Variants in PXDNL observed in about 807,000 individuals in gnomAD.
PXDNL encodes peroxidasin like.
A neutral mutation model predicts 150.8 loss-of-function variants in PXDNL; 145 were observed. The ratio of observed to expected loss-of-function variants is 0.96; its 90% CI spans 0.84 to 1.10. The LOEUF (loss-of-function observed/expected upper bound fraction) is 1.10, where lower values mean the gene tolerates loss of function less well. PXDNL is among the 50% of genes least tolerant of loss of function. The pLI is 0.00. For synonymous variants in PXDNL, 757 were observed against 725.7 expected (o/e 1.04, Z -0.69); for missense variants, 2,087 against 1,873.9 (o/e 1.11, Z -2.10).
intron 2 of PXDNL, among the ~76,000 whole-genome samples, chr8:51,612,137 G>A (rs1364817249): frequency 1.3e-5 from 2 of 152,098 alleles, no homozygotes; most frequent in East Asian, 1.9e-4. Flanking sequence ...ATTGGAGGGA[G>A]GTAGAGGAAG....
intron 1 of PXDNL, among the ~76,000 whole-genome samples, chr8:51,689,716 G>A (rs1430677971): frequency 1.3e-5 from 2 of 152,124 alleles, no homozygotes; most frequent in African/African-American, 4.8e-5. Context: ...TTATGTCCTA[G>A]CAACTTTGAT....
chr8:51,580,588 T>G lies in PXDNL; in HGVS notation c.308+12039A>C, dbSNP rs60460864. ...TTTTGAATATCATGTTCCACCAAAGTCATCCATTCTACAGATTAAAAATAC... is the reference window on the plus strand; with the variant it reads ...TTTTGAATATCATGTTCCACCAAAGGCATCCATTCTACAGATTAAAAATAC... On this transcript the variant is annotated intron_variant, in intron 3 of 22. Coordinates refer to ENST00000356297, the MANE Select transcript of PXDNL (RefSeq NM_144651.5). Among the ~76,000 whole-genome samples, 322 of 152,266 alleles carry G rather than the reference T, an allele frequency of 2.1e-3. 1 individual carries two copies. Among genetic ancestry groups the G allele is most frequent in the South Asian group, 6.6e-3 (32 of 4,822 alleles).
intron 8 of PXDNL, among the ~76,000 whole-genome samples, chr8:51,460,239 ACTGT>A (rs1291602609): frequency 6.7e-6 from 1 of 150,250 alleles, no homozygotes; most frequent in Non-Finnish European, 1.5e-5. Context: ...ACAGAGTGAG[ACTGT>A]CTGTCTCAAA....
chr8:51,473,198 G>C (rs1810385445), intron 7 of PXDNL, among the ~76,000 whole-genome samples: 1 of 151,160 alleles, frequency 6.6e-6, no homozygotes, highest in Admixed American at 6.6e-5. Flanking sequence ...GCTAGGACTA[G>C]TGATGAAGCA....
At chr8:51,536,825 G>T (rs1812088169) in intron 4 of PXDNL, among the ~76,000 whole-genome samples, 1 of 152,186 alleles carries the variant, frequency 6.6e-6, no homozygotes, top group Admixed American at 6.5e-5. Flanking sequence ...CTGAGAAAGT[G>T]ATTTTTGCAA....
At chr8:51,604,954 T>C (rs1813809947) in intron 2 of PXDNL, among the ~76,000 whole-genome samples, 1 of 152,116 alleles carries the variant, frequency 6.6e-6, no homozygotes, top group Non-Finnish European at 1.5e-5. Context: ...GACAATTATA[T>C]AAAAGTTAGA....
chr8:51,545,434 G>A (rs887164376), intron 4 of PXDNL, among the ~76,000 whole-genome samples: 1 of 152,168 alleles, frequency 6.6e-6, no homozygotes, highest in Non-Finnish European at 1.5e-5. Context: ...TTATCACAGT[G>A]ATAGTTTAGT....
intron 2 of PXDNL, among the ~76,000 whole-genome samples, chr8:51,608,041 G>GAA (rs1238423066): frequency 7.9e-6 from 1 of 126,776 alleles, no homozygotes; most frequent in Non-Finnish European, 1.6e-5. Context: ...AAGAAAGAAA[G>GAA]AAAGAAAGAA....
rs550118751 is a variant in PXDNL, at chr8:51,809,349, C to T, written c.-5G>A. 7.2e-6 allele frequency: 11 copies of T among 1,525,274 alleles called. No individual in the cohort carries two copies. The African/African-American group carries it at 1.1e-4, about 16-fold the overall frequency. 94.5% of individuals were successfully genotyped at this position (1,525,274 alleles called of 1,614,324 possible). ...GCAGAACAGTCTGGGCTCCATCGCTCCATTCGCTGCTGGCCACGCGAAGAA... is the reference window on the plus strand; with the variant it reads ...GCAGAACAGTCTGGGCTCCATCGCTTCATTCGCTGCTGGCCACGCGAAGAA... On this transcript the variant is annotated 5_prime_UTR_variant, in exon 1 of 23. Coordinates refer to ENST00000356297, the MANE Select transcript of PXDNL (RefSeq NM_144651.5).
At chr8:51,700,644 G>A (rs1224719221) in intron 1 of PXDNL, among the ~76,000 whole-genome samples, 5 of 150,216 alleles carry the variant, frequency 3.3e-5, no homozygotes, top group Non-Finnish European at 7.4e-5. Context: ...ACAAGTATAT[G>A]CACATGTATA....
At chr8:51,771,872 G>A (rs900593422) in intron 1 of PXDNL, among the ~76,000 whole-genome samples, 6 of 152,126 alleles carry the variant, frequency 3.9e-5, no homozygotes, top group South Asian at 2.1e-4. Context: ...GTCCACACAC[G>A]TGGTTCCTCT....
chr8:51,399,469 G>T (rs1280148034), intron 17 of PXDNL, among the ~76,000 whole-genome samples: 1 of 152,110 alleles, frequency 6.6e-6, no homozygotes, highest in African/African-American at 2.4e-5. Flanking sequence ...AGCAAAATAA[G>T]CTTAAAACAA....
rs566589765 is a variant in PXDNL, at chr8:51,698,469, T to C, written c.165-43709A>G. Among the ~76,000 whole-genome samples, 160 of 152,322 alleles carry C rather than the reference T, an allele frequency of 1.1e-3. 1 individual carries two copies. Among genetic ancestry groups the C allele is most frequent in the African/African-American group, 3.6e-3 (151 of 41,580 alleles). ...ATGTTTGATCATGAGATTGCAGCAATTTAGTCACATCCTCAGGCTCCACTT... is the reference window on the plus strand; with the variant it reads ...ATGTTTGATCATGAGATTGCAGCAACTTAGTCACATCCTCAGGCTCCACTT... On this transcript the variant is annotated intron_variant, in intron 1 of 22. Coordinates refer to ENST00000356297, the MANE Select transcript of PXDNL (RefSeq NM_144651.5).
chr8:51,573,224 C>T (rs80178316), intron 3 of PXDNL, among the ~76,000 whole-genome samples: 3,692 of 152,008 alleles, frequency 0.024, 161 homozygotes, highest in African/African-American at 0.084. Flanking sequence ...ACTTGTGAGG[C>T]TATATTGAGG....
chr8:51,525,407 A>G (rs1227065781), intron 4 of PXDNL, among the ~76,000 whole-genome samples: 1 of 152,228 alleles, frequency 6.6e-6, no homozygotes, highest in Non-Finnish European at 1.5e-5. Flanking sequence ...TCCAGTAATT[A>G]CCACGTGTAA....
rs768230948 is a variant in PXDNL at position 51,409,441 on chromosome 8, C to G, written c.2183G>C (p.Arg728Pro). 10 of 1,612,598 alleles carry G rather than the reference C, an allele frequency of 6.2e-6. No individual in the cohort carries two copies. In the South Asian group the frequency reaches 1.1e-4, roughly 18 times the overall value. ...CSNRCFHAKY[R>P]AHDGTCNNLQ... is the part of the protein sequence containing the mutation. ...GTTGTTGCACGTGCCGTCGTGGGCG[C>G]GGTACTTCGCATGGAAACACCGGTT... The change falls in exon 17 of 23, where the codon CGC becomes CCC. Residue 728 changes from arginine (R) to proline (P), a missense_variant. Coordinates refer to ENST00000356297, the MANE Select transcript of PXDNL (RefSeq NM_144651.5).
chr8:51,391,377 A>G (rs936416922), intron 17 of PXDNL, among the ~76,000 whole-genome samples: 1 of 151,992 alleles, frequency 6.6e-6, no homozygotes, highest in Non-Finnish European at 1.5e-5. Flanking sequence ...AAGTGTTCCT[A>G]TTTCTCCACA....
intron 4 of PXDNL, among the ~76,000 whole-genome samples, chr8:51,530,301 T>C (rs1258880254): frequency 1.3e-5 from 2 of 152,162 alleles, no homozygotes; most frequent in East Asian, 3.9e-4. Context: ...CTTCTCCTTT[T>C]TGCTCACCTT....
intron 6 of PXDNL, among the ~76,000 whole-genome samples, chr8:51,480,192 C>T (rs781285650): frequency 2.0e-5 from 3 of 152,130 alleles, no homozygotes; most frequent in South Asian, 4.1e-4. Context: ...AGAAGAGCAA[C>T]CACAACAAAA....
Sources: allele counts gnomAD v4.1 joint callset (sites outside exome capture counted in the v4.1 genomes callset), GRCh38; gene constraint gnomAD v4.1.1; transcripts MANE v1.5; gene names NCBI Gene and HGNC (gene_info 2026-07-23, HGNC 2026-07-21).